MCU: variants seen among roughly 807,000 people sequenced by gnomAD.
MCU encodes the protein calcium uniporter protein, mitochondrial.
MCU carries 12 observed loss-of-function variants against 45.2 expected under a neutral mutation model. The observed-to-expected ratio is 0.27, with a 90% CI of 0.17 to 0.43. MCU has a LOEUF of 0.43. Ranked by LOEUF, MCU falls within the 20% of genes least tolerant of loss-of-function variation. MCU has a pLI of 1.00. For synonymous variants in MCU, 160 were observed against 165.1 expected, an observed-to-expected ratio of 0.97 and a Z score of 0.24; for missense variants, 324 against 436.7, an observed-to-expected ratio of 0.74 and a Z score of 2.30.
chr10:72,783,995 AG>A (rs1235465423), intron 1 of MCU, among the ~76,000 whole-genome samples: 1 of 152,196 alleles, frequency 6.6e-6, no homozygotes, highest in Non-Finnish European at 1.5e-5. Context: ...GTCAATACCC[AG>A]TTACTTTACC....
rs576032034 is a variant in MCU, at chr10:72,843,337, C to T, written c.220+8909C>T. Reference sequence around the variant, plus strand: ...TCCCTTCTCCCTAACTCCTGGCAGGCAGGTACTAATCTTTTATTATCTCCA... The same window carrying T: ...TCCCTTCTCCCTAACTCCTGGCAGGTAGGTACTAATCTTTTATTATCTCCA... On this transcript the variant is annotated intron_variant, in intron 2 of 7. Transcript: ENST00000373053. Among the ~76,000 whole-genome samples the T allele has an allele frequency of 8.5e-5, 13 of 152,320 alleles. No individual in the cohort carries two copies. In the South Asian group the frequency reaches 2.7e-3, roughly 32 times the overall value.
intron 1 of MCU, among the ~76,000 whole-genome samples, chr10:72,714,553 A>G (rs1564536320): frequency 3.3e-5 from 5 of 150,242 alleles, no homozygotes; most frequent in Non-Finnish European, 1.5e-5. Flanking sequence ...TATTATTACT[A>G]TTTTTTTTGA....
chr10:72,792,724 C>T (rs1844182644), intron 1 of MCU, among the ~76,000 whole-genome samples: 1 of 145,784 alleles, frequency 6.9e-6, no homozygotes, highest in Non-Finnish European at 1.5e-5. Flanking sequence ...CACCCACTCT[C>T]CCCAAAAGGG....
rs183440391 is a variant in MCU at position 72,792,293 on chromosome 10, T to G, written c.151-42066T>G. On this transcript the variant is annotated intron_variant, in intron 1 of 7. Transcript: ENST00000373053. The stretch of plus-strand genomic sequence containing the variant: ...GTCAATGCATGGAGGTTACACAGTG[T>G]TTTTGGCCTAAAAGGACAGGATATT... Among the ~76,000 whole-genome samples the G allele has an allele frequency of 6.0e-3, 906 of 152,234 alleles. 12 individuals carry two copies. The highest frequency in any genetic ancestry group is 0.021 in the African/African-American group (854 of 41,526).
intron 1 of MCU, among the ~76,000 whole-genome samples, chr10:72,738,034 G>A (rs1843275180): frequency 6.6e-6 from 1 of 152,166 alleles, no homozygotes; most frequent in Admixed American, 6.5e-5. Context: ...AGGCTTTTGG[G>A]AGTTAATGTA....
At chr10:72,710,543 GTTTT>G (rs555887994) in intron 1 of MCU, among the ~76,000 whole-genome samples, 1 of 84,288 alleles carries the variant, frequency 1.2e-5, no homozygotes, top group Admixed American at 1.3e-4. Flanking sequence ...ATCACCTAAG[GTTTT>G]TTTTTTTTTT....
At chr10:72,701,406 G>A (rs1243357392) in intron 1 of MCU, among the ~76,000 whole-genome samples, 1 of 152,192 alleles carries the variant, frequency 6.6e-6, no homozygotes, top group African/African-American at 2.4e-5. Context: ...AGTGAGAACT[G>A]TACTGTTCTG....
intron 1 of MCU, among the ~76,000 whole-genome samples, chr10:72,803,348 C>T (rs1354558605): frequency 6.6e-6 from 1 of 151,150 alleles, no homozygotes; most frequent in African/African-American, 2.4e-5. Context: ...ACTCAGTGAG[C>T]CTGAGGAGCT....
intron 1 of MCU, among the ~76,000 whole-genome samples, chr10:72,829,174 T>C (rs1212037488): frequency 2.0e-5 from 3 of 151,928 alleles, no homozygotes; most frequent in Admixed American, 6.6e-5. Context: ...ATATAAAAAT[T>C]AGCCGGGTAT....
At chr10:72,761,069 T>A (rs1843650155) in intron 1 of MCU, among the ~76,000 whole-genome samples, 1 of 152,110 alleles carries the variant, frequency 6.6e-6, no homozygotes, top group African/African-American at 2.4e-5. Flanking sequence ...TGGAAAAAAA[T>A]TGTAGACTTC....
At chr10:72,828,516 CTT>C (rs752313734) in intron 1 of MCU, among the ~76,000 whole-genome samples, 5 of 152,146 alleles carry the variant, frequency 3.3e-5, no homozygotes, top group South Asian at 4.2e-4. Flanking sequence ...ATTCCCCTTC[CTT>C]TAGCCTGATG....
At chr10:72,760,302 C>T (rs1346203831) in intron 1 of MCU, among the ~76,000 whole-genome samples, 1 of 152,012 alleles carries the variant, frequency 6.6e-6, no homozygotes, top group East Asian at 1.9e-4. Flanking sequence ...CCTCCCATCT[C>T]AGCCTCTCAA....
chr10:72,855,671 A>G (rs1183160326), intron 2 of MCU, among the ~76,000 whole-genome samples: 1 of 152,236 alleles, frequency 6.6e-6, no homozygotes, highest in African/African-American at 2.4e-5. Context: ...AAAAATGGCA[A>G]GAATAGAGGA....
At chr10:72,820,169 A>T (rs570380225) in intron 1 of MCU, among the ~76,000 whole-genome samples, 1 of 152,330 alleles carries the variant, frequency 6.6e-6, no homozygotes, top group South Asian at 2.1e-4. Context: ...GCATGTGAAT[A>T]TATTTACATG....
At chr10:72,838,943 C>T (rs1845002409) in intron 2 of MCU, among the ~76,000 whole-genome samples, 1 of 151,778 alleles carries the variant, frequency 6.6e-6, no homozygotes, top group Non-Finnish European at 1.5e-5. Flanking sequence ...CTATATTTCA[C>T]ATACCATAAA....
intron 1 of MCU, among the ~76,000 whole-genome samples, chr10:72,780,888 A>C (rs1480413184): frequency 6.6e-6 from 1 of 152,212 alleles, no homozygotes. Context: ...TCATTCTGCA[A>C]ACGTAACACA....
At chr10:72,712,482 G>A (rs1417998518) in intron 1 of MCU, 1 of 152,178 alleles carries the variant, frequency 6.6e-6, no homozygotes, top group Non-Finnish European at 1.5e-5. Flanking sequence ...GACAAGCTGT[G>A]GGTGGAAATT....
intron 2 of MCU, among the ~76,000 whole-genome samples, chr10:72,844,218 C>T (rs1168173518): frequency 1.3e-5 from 2 of 152,114 alleles, no homozygotes; most frequent in African/African-American, 2.4e-5. Context: ...AAAACACTAT[C>T]GCTACTAAAA....
chr10:72,788,122 G>T (rs917975209), intron 1 of MCU, among the ~76,000 whole-genome samples: 4 of 152,222 alleles, frequency 2.6e-5, no homozygotes, highest in Non-Finnish European at 5.9e-5. Context: ...GAAGAAACAA[G>T]AACAGGTTCT....
Sources: allele counts gnomAD v4.1 joint callset (sites outside exome capture counted in the v4.1 genomes callset), GRCh38; gene constraint gnomAD v4.1.1; transcripts MANE v1.5; gene names NCBI Gene and HGNC (gene_info 2026-07-23, HGNC 2026-07-21).